NME8: variants seen among roughly 807,000 people sequenced by gnomAD.
The protein encoded by NME8 is protein NME8.
Under a neutral mutation model 82.3 loss-of-function variants are expected in NME8, and 72 were observed. The observed-to-expected ratio is 0.87, with a 90% CI of 0.72 to 1.06. The LOEUF is 1.06. Ranked by LOEUF, NME8 falls within the 50% of genes least tolerant of loss-of-function variation. The probability of loss-of-function intolerance (pLI) is 0.00; values close to 1 mark genes in which losing one functional copy is unlikely to be tolerated. For synonymous variants in NME8, 267 were observed against 228.5 expected, an observed-to-expected ratio of 1.17 and a Z score of -1.52; for missense variants, 712 against 685.4, an observed-to-expected ratio of 1.04 and a Z score of -0.43.
chr7:37,898,468 C>G (rs1169730970), intron 17 of NME8, among the ~76,000 whole-genome samples: 5 of 152,050 alleles, frequency 3.3e-5, no homozygotes, highest in African/African-American at 1.2e-4. Context: ...GAAGAAACTA[C>G]CCAAGTGTCC....
intron 2 of NME8, among the ~76,000 whole-genome samples, chr7:37,849,499 T>C (rs569044146): frequency 8.5e-5 from 13 of 152,274 alleles, no homozygotes; most frequent in Non-Finnish European, 8.8e-5. Flanking sequence ...AGTCCTTCCA[T>C]GACATTAGCT....
intron 15 of NME8, among the ~76,000 whole-genome samples, chr7:37,892,093 A>T (rs1164935661): frequency 6.6e-6 from 1 of 151,858 alleles, no homozygotes; most frequent in Non-Finnish European, 1.5e-5. Flanking sequence ...CTTTCAAGAA[A>T]CCTGGTGCCA....
chr7:37,857,232 A>G, intron 5 of NME8, 42 bp from the exon 6 acceptor site: 1 of 1,419,564 alleles, frequency 7.0e-7, no homozygotes, highest in South Asian at 1.2e-5. Context: ...TTACTTGAAT[A>G]TAGTTTTATT....
At chr7:37,888,099 C>A (rs139152869) in intron 14 of NME8, among the ~76,000 whole-genome samples, 178 bp from the exon 15 acceptor site, 46 of 152,200 alleles carry the variant, frequency 3.0e-4, no homozygotes, top group African/African-American at 1.1e-3. Flanking sequence ...TCCTAATGAC[C>A]GTTATCCTTG....
intron 11 of NME8, among the ~76,000 whole-genome samples, chr7:37,876,215 A>C (rs567670379): frequency 0.018 from 2,409 of 137,512 alleles, 37 homozygotes; most frequent in Non-Finnish European, 0.019. Flanking sequence ...TCAAAAAAAC[A>C]CTATATATAT....
intron 10 of NME8, among the ~76,000 whole-genome samples, 182 bp from the exon 11 acceptor site, chr7:37,867,520 A>T (rs1784704655): frequency 6.6e-6 from 1 of 152,194 alleles, no homozygotes; most frequent in Non-Finnish European, 1.5e-5. Context: ...TTTCAATAAA[A>T]AGCAAAAATA....
In NME8 at chr7:37,867,780, A is replaced by G. The variant is rs761802616; in HGVS notation, c.700A>G (p.Asn234Asp). The G allele has an allele frequency of 1.9e-6, 3 of 1,613,616 alleles. No homozygotes were observed. Among genetic ancestry groups the G allele is most frequent in the Non-Finnish European group, 8.5e-7 (1 of 1,179,676 alleles). Residue 234 changes from asparagine (N) to aspartate (D), a missense_variant, in exon 11 of 18, where the codon AAT becomes GAT. By Grantham distance (23) the Asn-to-Asp change is conservative (BLOSUM62 1). Transcript: ENST00000199447. ...AGTTGTATCTCAAGGAAGTAAACAC[A>G]ATCCTCCCTCTGAAGAAACCGAACC... ...ILVVSQGSKH[N>D]PPSEETEPQT...
chr7:37,867,171 A>G (rs1784696303), intron 10 of NME8, among the ~76,000 whole-genome samples: 1 of 152,136 alleles, frequency 6.6e-6, no homozygotes, highest in Non-Finnish European at 1.5e-5. Flanking sequence ...CTACCAGTGA[A>G]GATAAGCTAT....
intron 5 of NME8, among the ~76,000 whole-genome samples, chr7:37,851,427 T>G (rs1419962750): frequency 2.0e-5 from 3 of 152,210 alleles, no homozygotes; most frequent in African/African-American, 7.2e-5. Context: ...AGTATGTGAA[T>G]CTACTACTTA....
At chr7:37,872,792 TG>T (rs1784788223) in intron 11 of NME8, among the ~76,000 whole-genome samples, 1 of 152,010 alleles carries the variant, frequency 6.6e-6, no homozygotes, top group South Asian at 2.1e-4. Context: ...CAACAAATAA[TG>T]GGGGAATTTT....
At chr7:37,862,901 C>G (rs960272328) in intron 7 of NME8, among the ~76,000 whole-genome samples, 1 of 152,104 alleles carries the variant, frequency 6.6e-6, no homozygotes, top group Non-Finnish European at 1.5e-5. Context: ...GGGCAGATCA[C>G]TTGAGGTCAG....
chr7:37,861,698 T>C (rs1043604793), intron 6 of NME8, among the ~76,000 whole-genome samples: 2 of 152,098 alleles, frequency 1.3e-5, no homozygotes, highest in East Asian at 1.9e-4. Flanking sequence ...GAGGATGTCA[T>C]TGGGAGGCCT....
intron 15 of NME8, among the ~76,000 whole-genome samples, chr7:37,890,902 T>A (rs983456550): frequency 6.6e-6 from 1 of 152,036 alleles, no homozygotes; most frequent in African/African-American, 2.4e-5. Context: ...AATGCTGCAA[T>A]AAACATGTGA....
intron 12 of NME8, among the ~76,000 whole-genome samples, chr7:37,882,637 AAG>A (rs1404623779): frequency 0.018 from 2,509 of 137,748 alleles, 83 homozygotes; most frequent in East Asian, 0.046. Flanking sequence ...GAAAGAAAGA[AAG>A]AAAGAGAAAG....
chr7:37,851,164 G>A (rs1784433745), intron 5 of NME8, among the ~76,000 whole-genome samples: 1 of 152,092 alleles, frequency 6.6e-6, no homozygotes, highest in Non-Finnish European at 1.5e-5. Context: ...TGCAATAAGG[G>A]ATTAAAATAT....
chr7:37,884,496 T>G, intron 13 of NME8, 49 bp downstream of exon 13: 12 of 1,536,638 alleles, frequency 7.8e-6, no homozygotes, highest in Non-Finnish European at 1.1e-5. Context: ...TTGAATCATG[T>G]AAACTTTCTC....
intron 14 of NME8, 72 bp downstream of exon 14, chr7:37,885,324 A>T: frequency 2.2e-6 from 2 of 927,380 alleles, no homozygotes; most frequent in South Asian, 1.4e-5. Flanking sequence ...GATGTAGAGT[A>T]TTGGAACCAC....
intron 6 of NME8, among the ~76,000 whole-genome samples, chr7:37,860,550 G>T (rs1225352445): frequency 6.6e-6 from 1 of 152,114 alleles, no homozygotes; most frequent in Non-Finnish European, 1.5e-5. Flanking sequence ...ACTTCCCTCT[G>T]TTCCTTTGGC....
intron 15 of NME8, among the ~76,000 whole-genome samples, chr7:37,890,167 C>G (rs940722951): frequency 6.6e-6 from 1 of 151,836 alleles, no homozygotes; most frequent in Admixed American, 6.6e-5. Context: ...TTATTTTTAG[C>G]CTTTTTGAAT....
Sources: gnomAD v4.1 joint callset for allele counts (sites outside exome capture counted in the v4.1 genomes callset) on GRCh38, gnomAD v4.1.1 for gene constraint, MANE v1.5 for transcripts, NCBI Gene and HGNC (gene_info 2026-07-23, HGNC 2026-07-21) for gene names.